The following CDH13 variants were observed in gnomAD, a reference collection of about 807,000 sequenced individuals.
CDH13 encodes cadherin-13.
Under a neutral mutation model 63.8 loss-of-function variants are expected in CDH13, and 24 were observed. The ratio of observed to expected loss-of-function variants is 0.38; its 90% CI spans 0.27 to 0.53. The LOEUF (loss-of-function observed/expected upper bound fraction) is 0.53. Among genes scored for constraint, CDH13 ranks in the 20% least tolerant of loss-of-function variants. The probability of loss-of-function intolerance (pLI) is 0.85; values close to 1 mark genes in which losing one functional copy is unlikely to be tolerated. For synonymous variants in CDH13, 503 were observed against 355.3 expected (o/e 1.42, Z -4.67); for missense variants, 1,049 against 903.1 (o/e 1.16, Z -2.07).
chr16:83,427,072 G>A (rs998766475), intron 6 of CDH13, among the ~76,000 whole-genome samples: 3 of 151,426 alleles, frequency 2.0e-5, no homozygotes, highest in African/African-American at 2.4e-5. Flanking sequence ...TACTACAGGC[G>A]CCCGCCACCC....
At chr16:83,085,682 C>A (rs746161676) in intron 3 of CDH13, among the ~76,000 whole-genome samples, 2 of 152,110 alleles carry the variant, frequency 1.3e-5, no homozygotes, top group Non-Finnish European at 2.9e-5. Flanking sequence ...AGCTCTACAG[C>A]AAGAAGAAGG....
chr16:83,459,034 C>T (rs773994489), intron 6 of CDH13, among the ~76,000 whole-genome samples: 7 of 152,220 alleles, frequency 4.6e-5, no homozygotes, highest in Non-Finnish European at 7.3e-5. Flanking sequence ...CCAACAAACA[C>T]ACTTGTTTTC....
chr16:83,766,207 A>G (rs1011067246), intron 11 of CDH13, among the ~76,000 whole-genome samples: 61 of 152,282 alleles, frequency 4.0e-4, no homozygotes, highest in African/African-American at 1.4e-3. Context: ...TTTCTCCCCA[A>G]GGGTTAGATT....
chr16:83,674,807 TA>T, intron 9 of CDH13, among the ~76,000 whole-genome samples: 1 of 152,372 alleles, frequency 6.6e-6, no homozygotes, highest in Non-Finnish European at 1.5e-5. Context: ...AAACCGATTC[TA>T]AAACCACCAG....
intron 1 of CDH13, among the ~76,000 whole-genome samples, chr16:82,787,247 C>T (rs541882872): frequency 6.6e-6 from 1 of 152,276 alleles, no homozygotes; most frequent in South Asian, 2.1e-4. Context: ...ACTTCTTCAC[C>T]ATGTCCATGT....
chr16:82,924,983 G>A (rs1003071837), intron 2 of CDH13, among the ~76,000 whole-genome samples: 1 of 152,040 alleles, frequency 6.6e-6, no homozygotes, highest in Non-Finnish European at 1.5e-5. Flanking sequence ...TGAGACTTTA[G>A]AACCGTATAC....
intron 5 of CDH13, among the ~76,000 whole-genome samples, chr16:83,248,104 T>C (rs923864184): frequency 6.6e-6 from 1 of 152,046 alleles, no homozygotes; most frequent in African/African-American, 2.4e-5. Flanking sequence ...GCTAATGAGA[T>C]CAGAGACAGG....
At chr16:82,809,837 A>G (rs2037352495) in intron 1 of CDH13, among the ~76,000 whole-genome samples, 1 of 152,164 alleles carries the variant, frequency 6.6e-6, no homozygotes, top group Non-Finnish European at 1.5e-5. Flanking sequence ...TTCTTTCTGG[A>G]CAGCAGTAAA....
At chr16:83,175,871 C>G (rs1597467048) in intron 4 of CDH13, among the ~76,000 whole-genome samples, 2 of 138,084 alleles carry the variant, frequency 1.4e-5, no homozygotes, top group South Asian at 2.3e-4. Context: ...TCTTATTGCC[C>G]AGGCTAGAGT....
intron 10 of CDH13, among the ~76,000 whole-genome samples, chr16:83,743,516 G>A (rs1912250279): frequency 6.6e-6 from 1 of 151,926 alleles, no homozygotes; most frequent in African/African-American, 2.4e-5. Flanking sequence ...GGCATCATGG[G>A]ACAAAAAAGG....
At chr16:83,373,519 G>A (rs949398908) in intron 6 of CDH13, among the ~76,000 whole-genome samples, 4 of 152,144 alleles carry the variant, frequency 2.6e-5, no homozygotes, top group Non-Finnish European at 5.9e-5. Flanking sequence ...ACAGGTAGAG[G>A]GGGTGTGACT....
chr16:83,672,231 A>G (rs1396205174), intron 9 of CDH13, among the ~76,000 whole-genome samples: 1 of 152,010 alleles, frequency 6.6e-6, no homozygotes, highest in African/African-American at 2.4e-5. Context: ...GAAGTACTGT[A>G]GGCTGGTGGC....
chr16:83,485,836 G>T (rs868481988), intron 6 of CDH13, among the ~76,000 whole-genome samples: 14 of 152,090 alleles, frequency 9.2e-5, no homozygotes, highest in African/African-American at 2.9e-4. Flanking sequence ...CATGGAGTTG[G>T]CATTGAATCA....
intron 1 of CDH13, among the ~76,000 whole-genome samples, chr16:82,676,264 T>C (rs956360094): frequency 5.3e-5 from 8 of 152,118 alleles, no homozygotes; most frequent in Middle Eastern, 3.2e-3. Context: ...AAAGGCACCT[T>C]GGATTCCACG....
At chr16:82,630,998 T>G (rs1907940609) in intron 1 of CDH13, among the ~76,000 whole-genome samples, 1 of 152,194 alleles carries the variant, frequency 6.6e-6, no homozygotes, top group Non-Finnish European at 1.5e-5. Flanking sequence ...TTCTCCTTAT[T>G]CCACATTAAT....
chr16:83,608,547 A>G (rs187605955), intron 8 of CDH13, among the ~76,000 whole-genome samples: 136 of 152,114 alleles, frequency 8.9e-4, no homozygotes, highest in Non-Finnish European at 1.6e-3. Flanking sequence ...TAGCACAATC[A>G]TAGTTTCGGC....
At chr16:83,301,059 C>T (rs1326325777) in intron 5 of CDH13, among the ~76,000 whole-genome samples, 1 of 96,342 alleles carries the variant, frequency 1.0e-5, no homozygotes, top group African/African-American at 4.3e-5. Flanking sequence ...TGAGACAGAG[C>T]CTCACTCTGT....
At chr16:83,617,781 A>G (rs1014117968) in intron 8 of CDH13, among the ~76,000 whole-genome samples, 1 of 151,926 alleles carries the variant, frequency 6.6e-6, no homozygotes, top group South Asian at 2.1e-4. Flanking sequence ...CTATTCTAAT[A>G]TGCACATATC....
At chr16:83,683,801 T>C (rs965945076) in intron 10 of CDH13, among the ~76,000 whole-genome samples, 3 of 152,218 alleles carry the variant, frequency 2.0e-5, no homozygotes, top group African/African-American at 7.2e-5. Flanking sequence ...TACAGAATTC[T>C]TTGTTTTTAT....
Sources: gnomAD v4.1 joint callset for allele counts (sites outside exome capture counted in the v4.1 genomes callset) on GRCh38, gnomAD v4.1.1 for gene constraint, MANE v1.5 for transcripts, NCBI Gene and HGNC (gene_info 2026-07-23, HGNC 2026-07-21) for gene names.